Variants in RYR2 observed in about 807,000 individuals in gnomAD.
RYR2 encodes cardiac muscle ryanodine receptor-calcium release channel.
Under a neutral mutation model 601.1 loss-of-function variants are expected in RYR2, and 227 were observed. The observed-to-expected ratio is 0.38, with a 90% CI of 0.34 to 0.42. The LOEUF is 0.42. Among genes scored for constraint, RYR2 ranks in the 10% least tolerant of loss-of-function variants. The pLI is 1.00. For missense variants in RYR2, 4,646 were observed against 6,156.5 expected, an observed-to-expected ratio of 0.75 and a Z score of 8.21; for synonymous variants, 2,223 against 2,175.1, an observed-to-expected ratio of 1.02 and a Z score of -0.61.
At chr1:237,526,390 C>T (rs1667598971) in intron 24 of RYR2, among the ~76,000 whole-genome samples, 1 of 151,812 alleles carries the variant, frequency 6.6e-6, no homozygotes, top group Non-Finnish European at 1.5e-5. Flanking sequence ...CTCTGTAGCC[C>T]AGGCTGGAGT....
rs2256242 is a variant in RYR2 at position 237,788,151 on chromosome 1, A to G, written c.13476+16A>G. 0.55 allele frequency: 875,591 copies of G among 1,592,510 alleles called. 244,563 individuals are homozygous for G. Among genetic ancestry groups the G allele is most frequent in the African/African-American group, 0.77 (57,073 of 74,382 alleles). On this transcript the variant is annotated intron_variant, in intron 92 of 104. Coordinates refer to ENST00000366574, the MANE Select transcript of RYR2 (RefSeq NM_001035.3). ...GAAACTTCTAGTAAGATGTTTTAGA[A>G]TGAATATTGTTACTGATATAGTGCA... is the stretch of plus-strand genomic sequence containing the variant.
intron 1 of RYR2, among the ~76,000 whole-genome samples, chr1:237,269,202 C>G (rs918651004): frequency 4.0e-5 from 6 of 151,404 alleles, no homozygotes; most frequent in Non-Finnish European, 5.9e-5. Context: ...GCCACCACGC[C>G]CAGCTAATTT....
intron 25 of RYR2, among the ~76,000 whole-genome samples, chr1:237,533,606 AAAT>A: frequency 6.6e-6 from 1 of 152,320 alleles, no homozygotes; most frequent in East Asian, 1.9e-4. Flanking sequence ...TGAACCTAAA[AAAT>A]AATAAGGGTG....
At chr1:237,254,698 C>T (rs1400034696) in intron 1 of RYR2, among the ~76,000 whole-genome samples, 2 of 152,180 alleles carry the variant, frequency 1.3e-5, no homozygotes, top group East Asian at 1.9e-4. Flanking sequence ...TATACTTACA[C>T]ATGGGTCTCA....
intron 1 of RYR2, among the ~76,000 whole-genome samples, chr1:237,189,519 G>A (rs1679735111): frequency 6.6e-6 from 1 of 152,214 alleles, no homozygotes; most frequent in South Asian, 2.1e-4. Flanking sequence ...TTTGGGAGGA[G>A]ACTAGGTCAT....
chr1:237,740,621 C>T (rs1691528106), intron 79 of RYR2, among the ~76,000 whole-genome samples: 1 of 152,080 alleles, frequency 6.6e-6, no homozygotes, highest in African/African-American at 2.4e-5. Flanking sequence ...CCTTGTGTCT[C>T]TCCTATGTTT....
At chr1:237,559,480 A>AG (rs1320107102) in intron 27 of RYR2, among the ~76,000 whole-genome samples, 1 of 152,230 alleles carries the variant, frequency 6.6e-6, no homozygotes, top group African/African-American at 2.4e-5. Flanking sequence ...TCCTGACCTC[A>AG]GGTGATCCAC....
chr1:237,315,436 T>C (rs1324372909), intron 2 of RYR2, among the ~76,000 whole-genome samples: 1 of 152,132 alleles, frequency 6.6e-6, no homozygotes, highest in Non-Finnish European at 1.5e-5. Flanking sequence ...ATATATAAGT[T>C]ATTATTTTTA....
chr1:237,792,444 G>C (rs1658565014), intron 94 of RYR2, 121 bp downstream of exon 94: 1 of 624,976 alleles, frequency 1.6e-6, no homozygotes, highest in East Asian at 3.0e-5. Flanking sequence ...TGGACTTCTG[G>C]GGAAGCAGAT....
intron 27 of RYR2, among the ~76,000 whole-genome samples, chr1:237,564,715 A>G (rs1297159500): frequency 6.6e-6 from 1 of 152,198 alleles, no homozygotes; most frequent in Admixed American, 6.5e-5. Context: ...ACCCTTAACC[A>G]TAGAAATGTT....
rs114303476 is a variant in RYR2, at chr1:237,819,083, C to T, written c.14481C>T (p.Ile4827=). 1.7e-3 allele frequency: 2,663 copies of T among 1,613,704 alleles called. 30 individuals carry two copies. In the African/African-American group the frequency reaches 0.03, roughly 18 times the overall value. ...MYVGVRAGGG[I]GDEIEDPAGD... Reference sequence around the variant, plus strand: ...TTGGAGTTCGTGCTGGAGGAGGGATCGGGGATGAAATCGAAGACCCAGCAG... The same window carrying T: ...TTGGAGTTCGTGCTGGAGGAGGGATTGGGGATGAAATCGAAGACCCAGCAG... Residue 4827 remains isoleucine, a synonymous_variant, in exon 101 of 105, where the codon ATC becomes ATT. Transcript: ENST00000366574. This position sits in a 1 kb window ranked among gnomAD's most constrained non-coding sequence, Gnocchi z 4.0.
At chr1:237,591,716 G>T in intron 31 of RYR2, 23 bp from the exon 32 acceptor site, 1 of 1,558,082 alleles carries the variant, frequency 6.4e-7, no homozygotes, top group Non-Finnish European at 8.8e-7. Context: ...GTTGCTTATT[G>T]TTAGTCCTCT....
At chr1:237,355,560 C>G (rs551610426) in intron 3 of RYR2, among the ~76,000 whole-genome samples, 3 of 152,172 alleles carry the variant, frequency 2.0e-5, no homozygotes, top group African/African-American at 7.2e-5. Context: ...ATGAGAGAAA[C>G]TGTAGTTAGA....
chr1:237,755,195 C>G (rs746445645), intron 80 of RYR2: 1 of 862,484 alleles, frequency 1.2e-6, no homozygotes, highest in Admixed American at 3.6e-5. Flanking sequence ...CATTTCTTTT[C>G]CCCCTCCTTT....
chr1:237,808,983 A>G lies in RYR2; in HGVS notation c.14381A>G (p.Asn4794Ser). The stretch of plus-strand genomic sequence containing the variant: ...TTCAATTTTTTCCGAAAATTCTACA[A>G]TAAAAGTGAAGATGGTGATACACCA... ...VAFNFFRKFY[N>S]KSEDGDTPDM... The change falls in exon 100 of 105, where the codon AAT (asparagine) becomes AGT (serine). Residue 4794 changes from asparagine to serine, a missense_variant. By Grantham distance (46) the Asn-to-Ser change is conservative. Transcript: ENST00000366574. 1 of 1,613,544 alleles carries G rather than the reference A, an allele frequency of 6.2e-7. No homozygotes were observed. Among genetic ancestry groups the G allele is most frequent in the Non-Finnish European group, 8.5e-7 (1 of 1,179,456 alleles).
At chr1:237,498,743 T>G (rs1330464014) in intron 20 of RYR2, among the ~76,000 whole-genome samples, 1 of 152,208 alleles carries the variant, frequency 6.6e-6, no homozygotes, top group African/African-American at 2.4e-5. Context: ...TACCTTTTAT[T>G]ACAAAGTATC....
chr1:237,569,090 G>T (rs1672390547), intron 28 of RYR2, 55 bp from the exon 29 acceptor site: 1 of 1,528,630 alleles, frequency 6.5e-7, no homozygotes, highest in Non-Finnish European at 8.9e-7. Context: ...GTGGTGGGTG[G>T]GTGCGATTTT....
chr1:237,699,126 G>A (rs1687742383), intron 64 of RYR2, 101 bp downstream of exon 64: 2 of 608,746 alleles, frequency 3.3e-6, no homozygotes, highest in African/African-American at 1.9e-5. Flanking sequence ...TTTATTCTTT[G>A]GATTTGTAAT....
At chr1:237,795,260 A>C (rs199755165) in intron 95 of RYR2, 29 bp from the exon 96 acceptor site, 6 of 1,102,970 alleles carry the variant, frequency 5.4e-6, no homozygotes, top group Non-Finnish European at 7.8e-6. Context: ...AAATAATACT[A>C]TTTACTTCTA....
Sources: gnomAD v4.1 joint callset for allele counts (sites outside exome capture counted in the v4.1 genomes callset) on GRCh38, gnomAD v4.1.1 for gene constraint, Gnocchi (gnomAD v3.1) non-coding constraint, MANE v1.5 for transcripts, NCBI Gene and HGNC (gene_info 2026-07-23, HGNC 2026-07-21) for gene names.